Variants in TMEM178B observed in about 807,000 individuals in gnomAD.
TMEM178B encodes the protein transmembrane protein 178B.
In TMEM178B, 5 loss-of-function variants were observed where a neutral mutation model predicts 31.0. The ratio of observed to expected loss-of-function variants is 0.16; its 90% CI spans 0.08 to 0.34. TMEM178B has a LOEUF of 0.34. TMEM178B is among the 10% of genes least tolerant of loss of function. The probability of loss-of-function intolerance (pLI) is 1.00; values close to 1 mark genes in which losing one functional copy is unlikely to be tolerated. For synonymous variants in TMEM178B, 164 were observed against 164.0 expected (o/e 1.00, Z 0.00); for missense variants, 275 against 400.3 (o/e 0.69, Z 2.67).
rs74758373 is a variant in TMEM178B, at chr7:141,204,802, A to G, written c.383-7789A>G. Among the ~76,000 whole-genome samples, 8 of 152,288 alleles carry G rather than the reference A, an allele frequency of 5.3e-5. No individual in the cohort carries two copies. The East Asian group carries it at 1.5e-3, about 29-fold the overall frequency. On this transcript the variant is annotated intron_variant, in intron 1 of 3. Coordinates refer to ENST00000565468, the MANE Select transcript of TMEM178B (RefSeq NM_001195278.2). ...TTCCTATGTGCCCTTTGCTGTGCGA[A>G]TGTAAACAAAAGAAATGGCTTCTGA... is the stretch of plus-strand genomic sequence containing the variant.
At chr7:141,206,535 T>C (rs1356547853) in intron 1 of TMEM178B, among the ~76,000 whole-genome samples, 1 of 152,168 alleles carries the variant, frequency 6.6e-6, no homozygotes, top group African/African-American at 2.4e-5. Flanking sequence ...GTTGGAGCAA[T>C]GAGAGGTTGG....
intron 1 of TMEM178B, 65 bp from the exon 2 acceptor site, chr7:141,212,526 C>T: frequency 7.3e-7 from 1 of 1,365,892 alleles, no homozygotes; most frequent in Non-Finnish European, 1.0e-6. Flanking sequence ...AAAAATTAAT[C>T]CCAGAACTAG....
At chr7:141,413,781 T>C (rs150052166) in intron 2 of TMEM178B, among the ~76,000 whole-genome samples, 2 of 152,234 alleles carry the variant, frequency 1.3e-5, no homozygotes, top group Admixed American at 1.3e-4. Context: ...TTTGTTTCTG[T>C]GTTTGTTCTT....
intron 3 of TMEM178B, among the ~76,000 whole-genome samples, chr7:141,455,877 G>C (rs962989134): frequency 6.6e-6 from 1 of 152,246 alleles, no homozygotes; most frequent in Non-Finnish European, 1.5e-5. Context: ...CAGGTGGCAG[G>C]CTTGCCTGAT....
At chr7:141,083,418 A>C (rs552015177) in intron 1 of TMEM178B, among the ~76,000 whole-genome samples, 3 of 149,250 alleles carry the variant, frequency 2.0e-5, no homozygotes, top group Non-Finnish European at 4.5e-5. Context: ...TAATAGGTAC[A>C]TGGTTGAGGG....
At chr7:141,085,467 A>G (rs1385147757) in intron 1 of TMEM178B, among the ~76,000 whole-genome samples, 1 of 151,996 alleles carries the variant, frequency 6.6e-6, no homozygotes, top group African/African-American at 2.4e-5. Context: ...AATTATTTCA[A>G]TTGATTTTTT....
chr7:141,299,552 C>T (rs777087825), intron 2 of TMEM178B, among the ~76,000 whole-genome samples: 1 of 152,116 alleles, frequency 6.6e-6, no homozygotes, highest in Non-Finnish European at 1.5e-5. Flanking sequence ...TGCCTCCTTC[C>T]TACTTAGCTT....
chr7:141,342,553 A>C (rs996085969), intron 2 of TMEM178B, among the ~76,000 whole-genome samples: 42 of 152,144 alleles, frequency 2.8e-4, no homozygotes, highest in East Asian at 1.9e-4. Flanking sequence ...ACCCTCAGGG[A>C]GGCAGAAAAC....
chr7:141,200,115 A>G (rs1050613977), intron 1 of TMEM178B, among the ~76,000 whole-genome samples: 4 of 152,120 alleles, frequency 2.6e-5, no homozygotes, highest in Non-Finnish European at 5.9e-5. Flanking sequence ...CCCTGGGCTC[A>G]AGTGATTCTC....
Position 141,440,468 on chromosome 7 carries a change from A to G in TMEM178B, c.634+2723A>G, listed in dbSNP as rs140719814. 1.5e-4 allele frequency among the ~76,000 whole-genome samples: 23 copies of G among 152,008 alleles called. No homozygotes were observed. The East Asian group carries it at 4.4e-3, about 29-fold the overall frequency. On this transcript the variant is annotated intron_variant, in intron 3 of 3. Transcript: ENST00000565468. ...GAACTTTCCAGTTCTTTCTAGCGCT[A>G]ATATTTTATGGTACTAGGGATGAAC...
At chr7:141,083,490 G>GGAGA (rs1159476254) in intron 1 of TMEM178B, among the ~76,000 whole-genome samples, 62 of 116,124 alleles carry the variant, frequency 5.3e-4, no homozygotes, top group East Asian at 2.0e-3. Context: ...AGGAAGGGAG[G>GGAGA]GAGAGAGAGA....
intron 1 of TMEM178B, among the ~76,000 whole-genome samples, chr7:141,079,345 A>G (rs946477697): frequency 1.3e-5 from 2 of 152,214 alleles, no homozygotes; most frequent in Admixed American, 1.3e-4. Flanking sequence ...TCAAATGTTC[A>G]GTAGCCGTAT....
intron 2 of TMEM178B, among the ~76,000 whole-genome samples, chr7:141,309,929 T>C (rs1208164949): frequency 6.6e-6 from 1 of 152,086 alleles, no homozygotes; most frequent in Non-Finnish European, 1.5e-5. Context: ...TATACAAAAA[T>C]TAACTCAAGA....
chr7:141,175,996 T>TCAACATA (rs1796427308), intron 1 of TMEM178B, among the ~76,000 whole-genome samples: 1 of 152,194 alleles, frequency 6.6e-6, no homozygotes, highest in South Asian at 2.1e-4. Context: ...AATACTATGT[T>TCAACATA]GAATAGGAGT....
intron 3 of TMEM178B, among the ~76,000 whole-genome samples, chr7:141,464,559 A>T (rs1802118076): frequency 6.6e-6 from 1 of 152,124 alleles, no homozygotes; most frequent in African/African-American, 2.4e-5. Context: ...TTTTAGATTC[A>T]TTAAAGATTA....
downstream of TMEM178B, among the ~76,000 whole-genome samples, chr7:141,484,621 G>A (rs1370248090): frequency 6.6e-6 from 1 of 152,152 alleles, no homozygotes; most frequent in Non-Finnish European, 1.5e-5. The surrounding 1 kb of genome is among the most constrained non-coding windows in gnomAD (Gnocchi z 4.8). Flanking sequence ...GAGTGCTGTG[G>A]CTTGATCTTG....
intron 1 of TMEM178B, among the ~76,000 whole-genome samples, chr7:141,094,887 T>G (rs940006903): frequency 1.3e-5 from 2 of 152,226 alleles, no homozygotes; most frequent in Admixed American, 6.5e-5. Context: ...TCTGATTAAA[T>G]GACTGAAGAC....
chr7:141,236,288 C>T (rs1024722), intron 2 of TMEM178B, among the ~76,000 whole-genome samples: 127,578 of 152,200 alleles, frequency 0.84, 53,749 homozygotes, highest in African/African-American at 0.91. Context: ...AGAGATTCGG[C>T]GCAGAGAAGC....
intron 1 of TMEM178B, among the ~76,000 whole-genome samples, chr7:141,191,297 A>C (rs1035824453): frequency 1.3e-5 from 2 of 152,246 alleles, no homozygotes; most frequent in African/African-American, 4.8e-5. Flanking sequence ...TCTTATGAGC[A>C]AAGTGGCAAT....
Sources: gnomAD v4.1 joint callset for allele counts (sites outside exome capture counted in the v4.1 genomes callset) on GRCh38, gnomAD v4.1.1 for gene constraint, Gnocchi (gnomAD v3.1) non-coding constraint, MANE v1.5 for transcripts, NCBI Gene and HGNC (gene_info 2026-07-23, HGNC 2026-07-21) for gene names.